SRCIN1: variants seen among roughly 807,000 people sequenced by gnomAD.
SRCIN1 encodes the protein SRC kinase signaling inhibitor 1.
A neutral mutation model predicts 116.2 loss-of-function variants in SRCIN1; 50 were observed. The observed-to-expected ratio is 0.43, with a 90% CI of 0.34 to 0.54. SRCIN1 has a LOEUF of 0.54. Among genes scored for constraint, SRCIN1 ranks in the 20% least tolerant of loss-of-function variants. The pLI, the probability that SRCIN1 is intolerant of heterozygous loss-of-function variation, is 0.02. For missense variants in SRCIN1, 1,446 were observed against 1,672.0 expected (o/e 0.86, Z 2.36); for synonymous variants, 736 against 750.0 (o/e 0.98, Z 0.30).
At position 38,568,382 on chromosome 17, in the gene SRCIN1, G is replaced by C. The variant is rs1165111816; in HGVS notation, c.325-151C>G. The C allele has an allele frequency of 2.6e-6, 2 of 755,846 alleles. No homozygotes were observed. Among genetic ancestry groups the C allele is most frequent in the Non-Finnish European group, 4.6e-6 (2 of 437,318 alleles). The allele number at this position is 755,846 out of a possible 1,614,324, so 46.8% of individuals were successfully genotyped here. On this transcript the variant is annotated intron_variant, in intron 2 of 18. Coordinates refer to ENST00000617146, the MANE Select transcript of SRCIN1 (RefSeq NM_025248.3). The surrounding 1 kb of genome is among the most constrained non-coding windows in gnomAD (Gnocchi z 4.5). ...CAGGAGCAGGAATGAAGTCATGCCTGGTACATCCATTCTCTACTGAGACCT... is the reference window on the plus strand; with the variant it reads ...CAGGAGCAGGAATGAAGTCATGCCTCGTACATCCATTCTCTACTGAGACCT...
chr17:38,548,387 T>C (rs964966688), intron 17 of SRCIN1, among the ~76,000 whole-genome samples, 170 bp downstream of exon 17: 3 of 152,140 alleles, frequency 2.0e-5, no homozygotes, highest in African/African-American at 4.8e-5. Context: ...CACCCCTCAT[T>C]TCACAGTGGA....
intron 1 of SRCIN1, among the ~76,000 whole-genome samples, chr17:38,595,389 T>G (rs948538003): frequency 6.6e-6 from 1 of 152,176 alleles, no homozygotes; most frequent in African/African-American, 2.4e-5. Context: ...AGCTAATTTT[T>G]GTATTTTTAG....
intron 1 of SRCIN1, among the ~76,000 whole-genome samples, chr17:38,601,800 T>C (rs765873169): frequency 6.6e-6 from 1 of 152,076 alleles, no homozygotes; most frequent in Non-Finnish European, 1.5e-5. Flanking sequence ...GCTTGGCTTC[T>C]CAACCTTCCA....
In SRCIN1 at chr17:38,549,285, G is replaced by A. The variant is rs974880938; in HGVS notation, c.2963-75C>T. On this transcript the variant is annotated intron_variant, in intron 15 of 18. Coordinates refer to ENST00000617146, the MANE Select transcript of SRCIN1 (RefSeq NM_025248.3). Reference sequence around the variant, plus strand: ...AGTGCACTACATCTAACTTGAAGGGGATAAACCTTGCTTCTTCCTCCAGGG... The same window carrying A: ...AGTGCACTACATCTAACTTGAAGGGAATAAACCTTGCTTCTTCCTCCAGGG... 39 of 1,379,330 alleles carry A rather than the reference G, an allele frequency of 2.8e-5. No homozygotes were observed. In the African/African-American group the frequency reaches 4.6e-4, roughly 16 times the overall value. The allele number at this position is 1,379,330 out of a possible 1,614,324, so 85.4% of individuals were successfully genotyped here.
chr17:38,598,730 G>A (rs1450231881), intron 1 of SRCIN1, among the ~76,000 whole-genome samples: 2 of 152,254 alleles, frequency 1.3e-5, no homozygotes, highest in Admixed American at 6.5e-5. Flanking sequence ...GGGCTACCAG[G>A]AGCCAGGATA....
At position 38,562,437 on chromosome 17, in the gene SRCIN1, C is replaced by G; in HGVS notation, c.835-109G>C. ...CCTGACGCTTAGGAAGTCCCTTCTGCTCTCTGCCCTCCCTCCATCCTGCTG... is the reference window on the plus strand; with the variant it reads ...CCTGACGCTTAGGAAGTCCCTTCTGGTCTCTGCCCTCCCTCCATCCTGCTG... On this transcript the variant is annotated intron_variant, in intron 6 of 18. Coordinates refer to ENST00000617146, the MANE Select transcript of SRCIN1 (RefSeq NM_025248.3). The surrounding 1 kb of genome is among the most constrained non-coding windows in gnomAD (Gnocchi z 4.2). 1 of 1,230,394 alleles carries G rather than the reference C, an allele frequency of 8.1e-7. No homozygotes were observed. The highest frequency in any genetic ancestry group is 1.1e-6 in the Non-Finnish European group (1 of 936,228). 76.2% of individuals were successfully genotyped at this position (1,230,394 alleles called of 1,614,324 possible). A position where few individuals can be genotyped will look rare whatever the true frequency, so the allele number is the denominator to read the frequency against.
intron 2 of SRCIN1, among the ~76,000 whole-genome samples, chr17:38,574,512 T>G (rs1907284014): frequency 6.6e-6 from 1 of 150,828 alleles, no homozygotes; most frequent in Non-Finnish European, 1.5e-5. Context: ...AAGGGGAGGG[T>G]GTGGAGAGGG....
intron 15 of SRCIN1, among the ~76,000 whole-genome samples, chr17:38,550,842 A>T (rs765319460): frequency 2.6e-5 from 4 of 152,212 alleles, no homozygotes; most frequent in African/African-American, 9.6e-5. Flanking sequence ...ACCCGCCCTC[A>T]ACACAGCCTG....
At chr17:38,554,138 G>C (rs1905630442) in intron 11 of SRCIN1, among the ~76,000 whole-genome samples, 1 of 151,994 alleles carries the variant, frequency 6.6e-6, no homozygotes, top group South Asian at 2.1e-4. Context: ...TTGAACCCAG[G>C]AGGCGGAGGT....
intron 1 of SRCIN1, among the ~76,000 whole-genome samples, chr17:38,581,831 G>A (rs1181815522): frequency 1.3e-5 from 2 of 152,180 alleles, no homozygotes; most frequent in African/African-American, 4.8e-5. Context: ...AAGGCTGGGG[G>A]TTCCCTGGGC....
chr17:38,553,005 A>C, intron 11 of SRCIN1, 150 bp from the exon 12 acceptor site: 26 of 1,286,106 alleles, frequency 2.0e-5, no homozygotes, highest in Non-Finnish European at 2.7e-5. Flanking sequence ...CCGTAATCTC[A>C]GTACTTTGGG....
At chr17:38,566,928 T>C (rs1906748398) in intron 3 of SRCIN1, among the ~76,000 whole-genome samples, 1 of 151,708 alleles carries the variant, frequency 6.6e-6, no homozygotes, top group Non-Finnish European at 1.5e-5. Context: ...CTTCTTTCTT[T>C]CCTTCTTTCT....
intron 9 of SRCIN1, 120 bp downstream of exon 9, chr17:38,559,934 T>C: frequency 7.4e-7 from 1 of 1,349,098 alleles, no homozygotes; most frequent in South Asian, 1.3e-5. Context: ...GGGACCAAAG[T>C]GCCAGGAAAA....
At chr17:38,577,669 G>A (rs1008331329) in intron 2 of SRCIN1, among the ~76,000 whole-genome samples, 2 of 152,214 alleles carry the variant, frequency 1.3e-5, no homozygotes, top group African/African-American at 4.8e-5. Context: ...AACCATGCAA[G>A]CGCCTCACCA....
In SRCIN1 at chr17:38,563,550, A is replaced by G. The variant is rs1257324477; in HGVS notation, c.542-29T>C. 4 of 1,542,178 alleles carry G rather than the reference A, an allele frequency of 2.6e-6. No homozygotes were observed. The East Asian group carries it at 9.8e-5, about 38-fold the overall frequency. ...CGAAGGAGACGCCGCCCTCGCTGTC[A>G]CTGCTGCCGTCTCCACGCCGCCCTC... On this transcript the variant is annotated intron_variant, in intron 4 of 18. Coordinates refer to ENST00000617146, the MANE Select transcript of SRCIN1 (RefSeq NM_025248.3). The surrounding 1 kb of genome is among the most constrained non-coding windows in gnomAD (Gnocchi z 5.8).
intron 1 of SRCIN1, among the ~76,000 whole-genome samples, chr17:38,581,202 C>T (rs946171975): frequency 1.4e-4 from 21 of 152,102 alleles, no homozygotes; most frequent in African/African-American, 5.1e-4. Context: ...GTCAGGAGTT[C>T]GAGACCAGCC....
At chr17:38,586,582 T>A (rs1908125024) in intron 1 of SRCIN1, among the ~76,000 whole-genome samples, 1 of 152,298 alleles carries the variant, frequency 6.6e-6, no homozygotes, top group African/African-American at 2.4e-5. Context: ...CTGTGGCCTA[T>A]GACCCTGTGG....
At chr17:38,591,307 G>A (rs1159842175) in intron 1 of SRCIN1, among the ~76,000 whole-genome samples, 3 of 152,172 alleles carry the variant, frequency 2.0e-5, no homozygotes, top group Non-Finnish European at 4.4e-5. Flanking sequence ...GGGGAACCTG[G>A]GGGAAGGTCA....
rs1348716461 is a variant in SRCIN1 at position 38,563,786 on chromosome 17, G to A, written c.542-265C>T. On this transcript the variant is annotated intron_variant, in intron 4 of 18. Coordinates refer to ENST00000617146, the MANE Select transcript of SRCIN1 (RefSeq NM_025248.3). This position sits in a 1 kb window ranked among gnomAD's most constrained non-coding sequence, Gnocchi z 5.8. ...GGAAATGGAAGTGGGGGCAGAGCAG[G>A]TGGGGCGGAAACTGAGGGGAAGTGA... is the stretch of plus-strand genomic sequence containing the variant. 1 of 663,132 alleles carries A rather than the reference G, an allele frequency of 1.5e-6. No homozygotes were observed. The highest frequency in any genetic ancestry group is 1.8e-5 in the African/African-American group (1 of 54,948). 41.1% of individuals were successfully genotyped at this position (663,132 alleles called of 1,614,324 possible). A position where few individuals can be genotyped will look rare whatever the true frequency, so the allele number is the denominator to read the frequency against.
Sources: gnomAD v4.1 joint callset for allele counts (sites outside exome capture counted in the v4.1 genomes callset) on GRCh38, gnomAD v4.1.1 for gene constraint, Gnocchi (gnomAD v3.1) non-coding constraint, MANE v1.5 for transcripts, NCBI Gene and HGNC (gene_info 2026-07-23, HGNC 2026-07-21) for gene names.